Variants in AKAP12 observed in about 807,000 individuals in gnomAD.
The protein encoded by AKAP12 is A-kinase anchor protein 12.
Under a neutral mutation model 79.9 loss-of-function variants are expected in AKAP12, and 32 were observed. The observed-to-expected ratio is 0.40, with a 90% CI of 0.30 to 0.54. AKAP12 has a LOEUF of 0.54. Ranked by LOEUF, AKAP12 falls within the 20% of genes least tolerant of loss-of-function variation. The pLI is 0.48. For missense variants in AKAP12, 2,074 were observed against 2,177.0 expected, an observed-to-expected ratio of 0.95 and a Z score of 0.94; for synonymous variants, 808 against 857.0, an observed-to-expected ratio of 0.94 and a Z score of 1.00.
rs750472635 is a variant in AKAP12 at position 151,352,848 on chromosome 6, T to C, written c.4457T>C (p.Val1486Ala). 3.1e-6 allele frequency: 5 copies of C among 1,614,024 alleles called. 1 individual carries two copies. Among genetic ancestry groups the C allele is most frequent in the South Asian group, 2.2e-5 (2 of 91,078 alleles). The change falls in exon 4 of 5, where the codon GTG (valine) becomes GCG (alanine). Residue 1486 changes from valine to alanine, a missense_variant. Physicochemically the swap from Val to Ala is moderately conservative, Grantham distance 64. Around this residue, in one of 3 missense-constraint regions of AKAP12, gnomAD observed 614 missense variants for 665.6 expected, o/e 0.92. Coordinates refer to ENST00000402676, the MANE Select transcript of AKAP12 (RefSeq NM_005100.4). ...GPDCQAKSTP[V>A]IVSATTKKGL... ...GACTGTCAGGCAAAATCGACACCAG[T>C]GATAGTATCTGCTACTACCAAGAAA...
chr6:151,256,845 T>G (rs946239017), intron 2 of AKAP12, among the ~76,000 whole-genome samples: 9 of 151,560 alleles, frequency 5.9e-5, no homozygotes, highest in Middle Eastern at 6.8e-3. Context: ...AGACGGGTTT[T>G]ACCATATTGG....
chr6:151,249,875 A>G (rs866307581), intron 2 of AKAP12, among the ~76,000 whole-genome samples: 5 of 152,224 alleles, frequency 3.3e-5, no homozygotes, highest in South Asian at 2.1e-4. Context: ...CTACATCTCA[A>G]GTGTTACCCT....
chr6:151,354,993 CTTTTG>C (rs796293117), intron 4 of AKAP12, among the ~76,000 whole-genome samples: 4 of 151,542 alleles, frequency 2.6e-5, no homozygotes, highest in Admixed American at 6.6e-5. Context: ...TCTTCGTTTT[CTTTTG>C]TTTTGTTTTG....
At position 151,341,885 on chromosome 6, in the gene AKAP12, G is replaced by A. The variant is rs991422543; in HGVS notation, c.320-6826G>A. 8 of 998,138 alleles carry A rather than the reference G, an allele frequency of 8.0e-6. No individual in the cohort carries two copies. The African/African-American group carries it at 1.0e-4, about 13-fold the overall frequency. 61.8% of individuals were successfully genotyped at this position (998,138 alleles called of 1,614,324 possible). On this transcript the variant is annotated intron_variant, in intron 3 of 4. Coordinates refer to ENST00000402676, the MANE Select transcript of AKAP12 (RefSeq NM_005100.4). ...CAGGGACAGGTCGGGAAGGGCCTGC[G>A]CCCGTGGCATCCCAGCCCAGGCTGT...
intron 2 of AKAP12, among the ~76,000 whole-genome samples, chr6:151,257,240 C>T (rs1019966661): frequency 6.6e-6 from 1 of 152,096 alleles, no homozygotes; most frequent in Non-Finnish European, 1.5e-5. Context: ...CCAGTGTCTA[C>T]TGTTGCCATC....
chr6:151,344,280 T>A (rs940530243), intron 3 of AKAP12, among the ~76,000 whole-genome samples: 3 of 152,160 alleles, frequency 2.0e-5, no homozygotes, highest in African/African-American at 7.2e-5. Context: ...TTGCTGATTA[T>A]CGAAGCTGTT....
chr6:151,274,159 C>T (rs929235808), intron 2 of AKAP12, among the ~76,000 whole-genome samples: 4 of 151,910 alleles, frequency 2.6e-5, no homozygotes, highest in Non-Finnish European at 5.9e-5. Context: ...GCAACCTCTG[C>T]CTCTTGGGCT....
Position 151,351,166 on chromosome 6 carries a change from AGAAGCT to A in AKAP12, c.2781_2786del (p.Glu928_Ala929del), listed in dbSNP as rs933072760. ...CAGTGACAGAACCTCTTGAACAAGT[AGAAGCT>A]GAAGCCGCACTGTTAACTGAGGAGG... On this transcript the variant is annotated inframe_deletion, in exon 4 of 5. Transcript: ENST00000402676. This position sits in a 1 kb window ranked among gnomAD's most constrained non-coding sequence, Gnocchi z 4.4. 7 of 1,614,134 alleles carry A rather than the reference AGAAGCT, an allele frequency of 4.3e-6. No individual in the cohort carries two copies. In the African/African-American group the frequency reaches 9.3e-5, roughly 22 times the overall value.
intron 3 of AKAP12, among the ~76,000 whole-genome samples, chr6:151,318,892 T>TCA (rs1777296026): frequency 6.6e-6 from 1 of 151,768 alleles, no homozygotes; most frequent in African/African-American, 2.4e-5. Context: ...ACAATGAATC[T>TCA]CACCATTTAC....
At position 151,280,051 on chromosome 6, in the gene AKAP12, A is replaced by T. The variant is rs1036530515; in HGVS notation, c.163-25696A>T. Reference sequence around the variant, plus strand: ...CTTTCGGTTGTTGTTTTTTTTTTTTAAATATGCATATAGATAATACTGTTG... The same window carrying T: ...CTTTCGGTTGTTGTTTTTTTTTTTTTAATATGCATATAGATAATACTGTTG... On this transcript the variant is annotated intron_variant, in intron 2 of 4. Transcript: ENST00000402676. Among the ~76,000 whole-genome samples the T allele has an allele frequency of 8.0e-5, 11 of 137,548 alleles. No homozygotes were observed. In the South Asian group the frequency reaches 2.3e-3, roughly 28 times the overall value. The allele number at this position is 137,548 out of a possible 152,430, so 90.2% of individuals were successfully genotyped here. A position where few individuals can be genotyped will look rare whatever the true frequency, so the allele number is the denominator to read the frequency against.
rs367558984 is a variant in AKAP12 at position 151,349,627 on chromosome 6, A to G, written c.1236A>G (p.Gln412=). 18 of 1,612,686 alleles carry G rather than the reference A, an allele frequency of 1.1e-5. No individual in the cohort carries two copies. Among genetic ancestry groups the G allele is most frequent in the Non-Finnish European group, 1.4e-5 (17 of 1,179,666 alleles). The part of the protein sequence containing the change: ...EVFDEKIEVH[Q]EEVVAEVHVS... ...TTGATGAGAAAATAGAAGTCCACCA[A>G]GAAGAGGTTGTGGCCGAAGTCCACG... The change falls in exon 4 of 5, where the codon CAA becomes CAG. Residue 412 remains glutamine, a synonymous_variant. Transcript: ENST00000402676.
intron 3 of AKAP12, chr6:151,319,654 G>T: frequency 1.3e-5 from 2 of 155,276 alleles, no homozygotes. Flanking sequence ...AGGAATAACA[G>T]GAGGTGAGGT....
chr6:151,285,928 A>G (rs1190037153), intron 2 of AKAP12, among the ~76,000 whole-genome samples: 1 of 148,416 alleles, frequency 6.7e-6, no homozygotes, highest in African/African-American at 2.5e-5. Context: ...CCCAGGCTGG[A>G]GTGAAATGGC....
intron 2 of AKAP12, among the ~76,000 whole-genome samples, chr6:151,285,440 T>G (rs1315884013): frequency 6.8e-6 from 1 of 146,360 alleles, no homozygotes; most frequent in Non-Finnish European, 1.5e-5. Context: ...ATCTACTGAT[T>G]ACCAAAGAGC....
chr6:151,258,941 T>G lies in AKAP12; in HGVS notation c.162+18217T>G, dbSNP rs575949781. Among the ~76,000 whole-genome samples, 6 of 151,920 alleles carry G rather than the reference T, an allele frequency of 3.9e-5. No homozygotes were observed. In the East Asian group the frequency reaches 9.7e-4, roughly 24 times the overall value. ...TGTGCCCAGCCTGTGTGTGTGTGTG[T>G]GTGTGTGTTTATATACACACTATAT... On this transcript the variant is annotated intron_variant, in intron 2 of 4. Coordinates refer to ENST00000402676, the MANE Select transcript of AKAP12 (RefSeq NM_005100.4).
chr6:151,306,285 G>C (rs1042248868), intron 3 of AKAP12, among the ~76,000 whole-genome samples: 1 of 152,164 alleles, frequency 6.6e-6, no homozygotes, highest in South Asian at 2.1e-4. Flanking sequence ...TGCAAGGCAC[G>C]TACCCCTCTT....
intron 3 of AKAP12, among the ~76,000 whole-genome samples, chr6:151,326,543 T>C (rs904947849): frequency 2.0e-5 from 3 of 151,976 alleles, no homozygotes; most frequent in African/African-American, 7.2e-5. Flanking sequence ...TAGCTTACTT[T>C]CTAGGAATCT....
intron 2 of AKAP12, among the ~76,000 whole-genome samples, chr6:151,255,096 C>T (rs903680923): frequency 2.0e-5 from 3 of 152,042 alleles, no homozygotes; most frequent in Non-Finnish European, 2.9e-5. Flanking sequence ...GTGCCTGCAC[C>T]CTTGTCAACA....
intron 3 of AKAP12, among the ~76,000 whole-genome samples, chr6:151,341,321 T>C (rs141353712): frequency 0.012 from 1,759 of 152,368 alleles, 31 homozygotes; most frequent in African/African-American, 0.04. Flanking sequence ...CCCAAAGTGC[T>C]GGGATTACAG....
Sources: allele counts gnomAD v4.1 joint callset (sites outside exome capture counted in the v4.1 genomes callset), GRCh38; gene constraint gnomAD v4.1.1; regional missense constraint gnomAD v4.1.1; non-coding constraint Gnocchi (gnomAD v3.1); transcripts MANE v1.5; gene names NCBI Gene and HGNC (gene_info 2026-07-23, HGNC 2026-07-21).